Variants in ERAP1 observed in about 807,000 individuals in gnomAD.
ERAP1 encodes the protein adipocyte-derived leucine aminopeptidase.
ERAP1 carries 86 observed loss-of-function variants against 103.7 expected under a neutral mutation model. The observed-to-expected ratio is 0.83, with a 90% confidence interval of 0.70 to 0.99. The LOEUF (loss-of-function observed/expected upper bound fraction) is 0.99. ERAP1 is among the 50% of genes least tolerant of loss of function. The pLI is 0.00. For synonymous variants in ERAP1, 398 were observed against 402.4 expected (o/e 0.99, Z 0.13); for missense variants, 1,009 against 1,128.4 (o/e 0.89, Z 1.52).
chr5:96,829,526 A>G, the ERAP1 span, among the ~76,000 whole-genome samples: 1 of 152,232 alleles, frequency 6.6e-6, no homozygotes, highest in African/African-American at 2.4e-5. Flanking sequence ...CTAATCCAAC[A>G]ACACTAATCA....
At chr5:96,895,568 A>T in the ERAP1 span, among the ~76,000 whole-genome samples, 1 of 152,188 alleles carries the variant, frequency 6.6e-6, no homozygotes, top group Admixed American at 6.6e-5. Context: ...GTCACCCCAA[A>T]GTCTGTAAAG....
the ERAP1 span, chr5:96,892,520 C>G: frequency 6.4e-7 from 1 of 1,562,712 alleles, no homozygotes; most frequent in South Asian, 1.1e-5. Flanking sequence ...CACGACCAAT[C>G]TTCCTGAAAC....
intron 4 of ERAP1, among the ~76,000 whole-genome samples, chr5:96,796,542 T>C (rs1777364568): frequency 6.6e-6 from 1 of 152,172 alleles, no homozygotes; most frequent in Non-Finnish European, 1.5e-5. Context: ...CAGGATCTAG[T>C]CCAAGTTATA....
chr5:96,894,619 T>C, the ERAP1 span, among the ~76,000 whole-genome samples: 5 of 152,194 alleles, frequency 3.3e-5, no homozygotes, highest in African/African-American at 7.2e-5. Context: ...GGTAAATATG[T>C]CAATTATATT....
the ERAP1 span, among the ~76,000 whole-genome samples, chr5:96,855,950 G>A: frequency 6.6e-6 from 1 of 152,032 alleles, no homozygotes; most frequent in African/African-American, 2.4e-5. Context: ...GTGTGGCCAC[G>A]ACCAAATTGC....
At chr5:96,923,362 T>C in the ERAP1 span, among the ~76,000 whole-genome samples, 1 of 152,178 alleles carries the variant, frequency 6.6e-6, no homozygotes, top group Non-Finnish European at 1.5e-5. Flanking sequence ...GCAACAGTGC[T>C]GGCCTTGCAA....
At chr5:96,898,633 G>A in the ERAP1 span, among the ~76,000 whole-genome samples, 8 of 150,588 alleles carry the variant, frequency 5.3e-5, no homozygotes, top group East Asian at 5.8e-4. Flanking sequence ...CCAGCTACTC[G>A]GGAGGTTGAG....
the ERAP1 span, among the ~76,000 whole-genome samples, chr5:96,827,795 C>T: frequency 6.6e-6 from 1 of 152,208 alleles, no homozygotes; most frequent in Admixed American, 6.5e-5. Context: ...CTATGTTTAC[C>T]CACCACCCTG....
chr5:96,911,242 G>A, the ERAP1 span, among the ~76,000 whole-genome samples: 26 of 152,154 alleles, frequency 1.7e-4, no homozygotes, highest in African/African-American at 5.3e-4. Flanking sequence ...AAGAGGTATG[G>A]AGACTAGTAC....
the ERAP1 span, among the ~76,000 whole-genome samples, chr5:96,854,206 T>C: frequency 6.6e-6 from 1 of 152,222 alleles, no homozygotes; most frequent in Non-Finnish European, 1.5e-5. Flanking sequence ...AAATCTCTTA[T>C]GAGAATCAAA....
At chr5:96,900,359 G>T in the ERAP1 span, 1 of 1,036,700 alleles carries the variant, frequency 9.6e-7, no homozygotes, top group East Asian at 2.6e-5. Context: ...GGGTATTTAG[G>T]GGGACAATGC....
downstream of ERAP1, chr5:96,769,896 T>C (rs1271796659): frequency 1.3e-5 from 2 of 150,104 alleles, no homozygotes; most frequent in Non-Finnish European, 3.0e-5. Flanking sequence ...TTGTGACAAA[T>C]AGTAGGATAT....
At chr5:96,884,002 T>C in the ERAP1 span, 1 of 1,426,990 alleles carries the variant, frequency 7.0e-7, no homozygotes, top group South Asian at 1.4e-5. Flanking sequence ...TTTTTTAAAA[T>C]TGCTTTCAGG....
the ERAP1 span, among the ~76,000 whole-genome samples, chr5:96,843,430 C>T: frequency 6.6e-6 from 1 of 152,266 alleles, no homozygotes; most frequent in African/African-American, 2.4e-5. Context: ...TACTCCTTTG[C>T]AAATGAAGAC....
Position 96,781,076 on chromosome 5 carries a change from C to G in ERAP1, c.2570G>C (p.Trp857Ser). 1 of 1,613,996 alleles carries G rather than the reference C, an allele frequency of 6.2e-7. No homozygotes were observed. The part of the protein sequence containing the change: ...PLAWQFLRKN[W>S]NKLVQKFELG... Reference sequence around the variant, plus strand: ...CACTTACTTTTGTACAAGTTTGTTCCAGTTTTTCCTCAGAAATTGCCAGGC... The same window carrying G: ...CACTTACTTTTGTACAAGTTTGTTCGAGTTTTTCCTCAGAAATTGCCAGGC... The change falls in exon 17 of 19, where the codon TGG becomes TCG. Residue 857 changes from tryptophan to serine, a missense_variant. Trp to Ser is a radical substitution (Grantham distance 177, BLOSUM62 -3). Coordinates refer to ENST00000443439, the MANE Select transcript of ERAP1 (RefSeq NM_001040458.3).
the ERAP1 span, among the ~76,000 whole-genome samples, chr5:96,853,109 C>G: frequency 6.6e-6 from 1 of 152,162 alleles, no homozygotes; most frequent in Non-Finnish European, 1.5e-5. Flanking sequence ...AGGACATGCA[C>G]TTGTCCATTT....
intron 1 of ERAP1, among the ~76,000 whole-genome samples, chr5:96,807,111 G>A (rs1778709124): frequency 6.6e-6 from 1 of 152,158 alleles, no homozygotes; most frequent in South Asian, 2.1e-4. Flanking sequence ...GAGGAAGTGT[G>A]TGCTCTCCCC....
At chr5:96,932,886 C>T in the ERAP1 span, among the ~76,000 whole-genome samples, 7 of 152,064 alleles carry the variant, frequency 4.6e-5, no homozygotes, top group South Asian at 2.1e-4. Context: ...GCAATGATTC[C>T]GAAGACAGTA....
chr5:96,903,235 C>T, the ERAP1 span: 24,193 of 611,728 alleles, frequency 0.04, 1,284 homozygotes, highest in East Asian at 0.17. Context: ...CAGTGAACTA[C>T]GAAAATGAAT....
Sources: allele counts gnomAD v4.1 joint callset (sites outside exome capture counted in the v4.1 genomes callset), GRCh38; gene constraint gnomAD v4.1.1; transcripts MANE v1.5; gene names NCBI Gene and HGNC (gene_info 2026-07-23, HGNC 2026-07-21).